Variants in CEBPZOS observed in about 807,000 individuals in gnomAD.
CEBPZOS encodes the protein protein CEBPZOS.
Under a neutral mutation model 4.8 loss-of-function variants are expected in CEBPZOS, and 10 were observed. That is an observed-to-expected ratio of 2.07 (90% CI 1.28 to 3.52). The LOEUF (loss-of-function observed/expected upper bound fraction) is 3.52, where lower values mean the gene tolerates loss of function less well. CEBPZOS is among the 30% of genes most tolerant of loss of function. The pLI is 0.00. For synonymous variants in CEBPZOS, 25 were observed against 14.2 expected (o/e 1.77, Z -1.72); for missense variants, 98 against 43.6 (o/e 2.25, Z -3.51).
intron 4 of CEBPZOS, chr2:37,211,162 C>CT (rs1677709922): frequency 3.2e-6 from 3 of 943,094 alleles, no homozygotes; most frequent in Non-Finnish European, 3.3e-6. Context: ...ATGCTAAAAT[C>CT]TTTATTCTGA....
At chr2:37,213,128 G>GT (rs1288361902) in intron 4 of CEBPZOS, among the ~76,000 whole-genome samples, 2 of 152,092 alleles carry the variant, frequency 1.3e-5, no homozygotes, top group African/African-American at 4.8e-5. Flanking sequence ...AATTTACCAT[G>GT]TTTTTTGTTT....
chr2:37,213,825 T>C, downstream of CEBPZOS: 5 of 1,344,386 alleles, frequency 3.7e-6, no homozygotes, highest in Non-Finnish European at 4.2e-6. Context: ...TAACACATAG[T>C]AGTAGATTAT....
At chr2:37,212,494 T>C in intron 4 of CEBPZOS, 1 of 1,006,908 alleles carries the variant, frequency 9.9e-7, no homozygotes, top group Non-Finnish European at 1.5e-6. Flanking sequence ...CTGCTGTTTA[T>C]GACAAGTGAA....
At chr2:37,212,375 TATC>T (rs1677749890) in intron 4 of CEBPZOS, 5 of 1,613,374 alleles carry the variant, frequency 3.1e-6, no homozygotes, top group African/African-American at 1.3e-5. Flanking sequence ...CTGAAACAGT[TATC>T]ATCTTCAAAT....
At chr2:37,208,741 G>A (rs1677620569), downstream of CEBPZOS, 1 of 152,084 alleles carries the variant, frequency 6.6e-6, no homozygotes, top group Non-Finnish European at 1.5e-5. Context: ...ACAAGACAAG[G>A]ATGCCCACTT....
chr2:37,214,762 T>A, downstream of CEBPZOS: 2 of 544,914 alleles, frequency 3.7e-6, no homozygotes, highest in Non-Finnish European at 6.6e-6. Flanking sequence ...TAATGTTCCA[T>A]GGTCTATTTA....
chr2:37,215,175 C>G (rs966145103), downstream of CEBPZOS: 1 of 390,658 alleles, frequency 2.6e-6, no homozygotes, highest in African/African-American at 2.1e-5. Flanking sequence ...ATAAAGTAGG[C>G]AGTACATAGC....
At chr2:37,214,028 G>A (rs935148395), downstream of CEBPZOS, 9 of 846,710 alleles carry the variant, frequency 1.1e-5, no homozygotes, top group Middle Eastern at 1.1e-3. Context: ...TATCATCAAA[G>A]CACCTATGAC....
downstream of CEBPZOS, chr2:37,208,911 T>G (rs1166992263): frequency 1.3e-5 from 2 of 152,014 alleles, no homozygotes; most frequent in African/African-American, 4.8e-5. Flanking sequence ...TCCAAAAAGA[T>G]CCTAGATCTG....
chr2:37,214,452 T>C (rs1391770018), downstream of CEBPZOS, among the ~76,000 whole-genome samples: 1 of 152,162 alleles, frequency 6.6e-6, no homozygotes, highest in Non-Finnish European at 1.5e-5. Context: ...GTTATCACTA[T>C]ATTAAACTTA....
intron 4 of CEBPZOS, chr2:37,211,664 A>G (rs1282203921): frequency 1.9e-6 from 1 of 532,248 alleles, no homozygotes; most frequent in Non-Finnish European, 3.2e-6. Flanking sequence ...AACACACATA[A>G]CACACAATAA....
At chr2:37,201,182 A>G (rs1677212445) in intron 3 of CEBPZOS, 90 bp downstream of exon 3, 3 of 669,014 alleles carry the variant, frequency 4.5e-6, no homozygotes, top group African/African-American at 1.8e-5. Context: ...AGGAATTTCT[A>G]ACAATACTAT....
In CEBPZOS at chr2:37,199,806, GCA is replaced by G. The variant is rs1205778640; in HGVS notation, c.107_108del (p.Thr36LysfsTer24). 4 of 717,524 alleles carry G rather than the reference GCA, an allele frequency of 5.6e-6. No individual in the cohort carries two copies. In the Admixed American group the frequency reaches 6.0e-5, roughly 11 times the overall value. 44.4% of individuals were successfully genotyped at this position (717,524 alleles called of 1,614,324 possible). Reference sequence around the variant, plus strand: ...GAGCATATTTTTTGTTTAGCAAGATGCACACAAGCCAAGGTAATCATAATTCA... The same window carrying G: ...GAGCATATTTTTTGTTTAGCAAGATGCACAAGCCAAGGTAATCATAATTCA... ...FGAYFLFSKM[H>X]TSQDFRQTMS... On this transcript the variant is annotated frameshift_variant, in exon 2 of 5. Transcript: ENST00000402297. LOFTEE classifies it high-confidence loss of function.
At chr2:37,209,044 T>A, downstream of CEBPZOS, 1 of 37,752 alleles carries the variant, frequency 2.6e-5, no homozygotes, top group African/African-American at 2.0e-4. Flanking sequence ...TTACAACACC[T>A]GCCAAAAAAA....
intron 4 of CEBPZOS, chr2:37,211,848 ACG>A (rs1383448861): frequency 1.9e-6 from 3 of 1,593,246 alleles, no homozygotes; most frequent in Non-Finnish European, 2.6e-6. Context: ...CTTACCTGGA[ACG>A]CTCTCACTTT....
At chr2:37,210,530 C>A in intron 4 of CEBPZOS, 1 of 129,480 alleles carries the variant, frequency 7.7e-6, no homozygotes, top group Non-Finnish European at 1.7e-5. Flanking sequence ...AATGGAAAAC[C>A]AAACATTCTA....
downstream of CEBPZOS, among the ~76,000 whole-genome samples, chr2:37,207,888 C>T (rs1242523432): frequency 2.6e-5 from 4 of 151,842 alleles, no homozygotes; most frequent in Non-Finnish European, 4.4e-5. Context: ...TAAAGAAAAT[C>T]GGTAGACCAT....
At chr2:37,204,959 G>A (rs1677480593), downstream of CEBPZOS, among the ~76,000 whole-genome samples, 1 of 152,076 alleles carries the variant, frequency 6.6e-6, no homozygotes, top group Non-Finnish European at 1.5e-5. Flanking sequence ...AGGCTCAGTA[G>A]AACTTGAAGT....
At chr2:37,216,168 A>G, downstream of CEBPZOS, 1 of 1,613,096 alleles carries the variant, frequency 6.2e-7, no homozygotes, top group Non-Finnish European at 8.5e-7. Context: ...CCTTAATAAA[A>G]TGTTTTCTTT....
Sources: allele counts gnomAD v4.1 joint callset (sites outside exome capture counted in the v4.1 genomes callset), GRCh38; gene constraint gnomAD v4.1.1; transcripts MANE v1.5; gene names NCBI Gene and HGNC (gene_info 2026-07-23, HGNC 2026-07-21).